PIK3CB: variants seen among roughly 807,000 people sequenced by gnomAD.
PIK3CB encodes the protein phosphatidylinositol 4,5-bisphosphate 3-kinase catalytic subunit beta isoform.
In PIK3CB, 39 loss-of-function variants were observed where a neutral mutation model predicts 136.8. The ratio of observed to expected loss-of-function variants is 0.29; its 90% confidence interval spans 0.22 to 0.37. The LOEUF (loss-of-function observed/expected upper bound fraction) is 0.37, where lower values mean the gene tolerates loss of function less well. Ranked by LOEUF, PIK3CB falls within the 10% of genes least tolerant of loss-of-function variation. The pLI, the probability that PIK3CB is intolerant of heterozygous loss-of-function variation, is 1.00. For missense variants in PIK3CB, 868 were observed against 1,275.4 expected (o/e 0.68, Z 4.87); for synonymous variants, 428 against 436.6 (o/e 0.98, Z 0.25).
chr3:138,707,090 A>C, intron 11 of PIK3CB, 69 bp downstream of exon 11: 1 of 976,900 alleles, frequency 1.0e-6, no homozygotes, highest in Non-Finnish European at 1.6e-6. Flanking sequence ...GATAGAGCTT[A>C]AACTATACAT....
chr3:138,691,923 T>C (rs1046032386), intron 14 of PIK3CB, among the ~76,000 whole-genome samples: 3 of 152,230 alleles, frequency 2.0e-5, no homozygotes, highest in Admixed American at 6.5e-5. Context: ...TTATTTTCCT[T>C]TGCTGTTATT....
In PIK3CB at chr3:138,707,300, C is replaced by G. The variant is rs375880090; in HGVS notation, c.1400-11G>C. On this transcript the variant is annotated splice_polypyrimidine_tract_variant and intron_variant, in intron 10 of 23. Coordinates refer to ENST00000674063, the MANE Select transcript of PIK3CB (RefSeq NM_006219.3). ...TTTCTTCGAGTTCATCTAAAACATGCAAATAATTTTGGTTCTTAAAAAATG... is the reference window on the plus strand; with the variant it reads ...TTTCTTCGAGTTCATCTAAAACATGGAAATAATTTTGGTTCTTAAAAAATG... 2.2e-5 allele frequency: 35 copies of G among 1,584,490 alleles called. No individual in the cohort carries two copies. The highest frequency in any genetic ancestry group is 3.0e-5 in the Non-Finnish European group (35 of 1,170,188).
chr3:138,815,089 G>A (rs1457345790), intron 1 of PIK3CB, among the ~76,000 whole-genome samples: 4 of 135,442 alleles, frequency 3.0e-5, no homozygotes, highest in African/African-American at 8.4e-5. Context: ...GCAGTGAGCC[G>A]TGATCGCGCC....
chr3:138,655,589 G>T, intron 23 of PIK3CB, 63 bp from the exon 24 acceptor site: 2 of 1,329,636 alleles, frequency 1.5e-6, no homozygotes, highest in Non-Finnish European at 2.2e-6. Context: ...AAATATCAAA[G>T]TCTGCAGGAG....
Position 138,694,943 on chromosome 3 carries a change from G to C in PIK3CB, c.1771-36C>G, listed in dbSNP as rs763971480. On this transcript the variant is annotated intron_variant, in intron 13 of 23. Transcript: ENST00000674063. ...AATGAAACTGGTTCAGAAATAATGG[G>C]GGACAAAAGTAATCTAATTTTCCTT... 18 of 1,572,346 alleles carry C rather than the reference G, an allele frequency of 1.1e-5. No individual in the cohort carries two copies. In the South Asian group the frequency reaches 1.8e-4, roughly 16 times the overall value.
At chr3:138,759,646 T>C (rs146205520) in intron 2 of PIK3CB, among the ~76,000 whole-genome samples, 2,593 of 152,050 alleles carry the variant, frequency 0.017, 44 homozygotes, top group Non-Finnish European at 0.018. Flanking sequence ...TAAATAAAAA[T>C]ATATACACAT....
intron 16 of PIK3CB, among the ~76,000 whole-genome samples, chr3:138,686,471 C>A (rs1411764459): frequency 6.6e-6 from 1 of 151,940 alleles, no homozygotes; most frequent in Admixed American, 6.6e-5. Context: ...ATAATAACAA[C>A]AAATAAAATT....
intron 8 of PIK3CB, among the ~76,000 whole-genome samples, chr3:138,723,245 T>C (rs1394824509): frequency 6.6e-6 from 1 of 152,194 alleles, no homozygotes; most frequent in Admixed American, 6.5e-5. Context: ...TTTTAAAGTA[T>C]AATTTATTTA....
In PIK3CB at chr3:138,810,735, C is replaced by G. The variant is rs1164132333; in HGVS notation, c.-121-14168G>C. On this transcript the variant is annotated intron_variant, in intron 1 of 23. Coordinates refer to ENST00000674063, the MANE Select transcript of PIK3CB (RefSeq NM_006219.3). ...AGATTGAGACCATCCTGGCTAACAC[C>G]GTGAAACCCCAGCTCTACTAAAAAC... Among the ~76,000 whole-genome samples the G allele has an allele frequency of 5.9e-5, 9 of 151,318 alleles. No individual in the cohort carries two copies. In the South Asian group the frequency reaches 1.9e-3, roughly 32 times the overall value.
rs181214757 is a variant in PIK3CB at position 138,656,117 on chromosome 3, G to A, written c.3075+25C>T. On this transcript the variant is annotated intron_variant, in intron 23 of 23. Coordinates refer to ENST00000674063, the MANE Select transcript of PIK3CB (RefSeq NM_006219.3). ...TGAGCTCAATGCCCACAAAGTCCAA[G>A]AGAGAAGGAAAAGTGGTTTTATACC... 74 of 1,612,932 alleles carry A rather than the reference G, an allele frequency of 4.6e-5. No individual in the cohort carries two copies. The African/African-American group carries it at 9.5e-4, about 21-fold the overall frequency.
intron 4 of PIK3CB, among the ~76,000 whole-genome samples, chr3:138,748,535 A>C (rs2045408350): frequency 6.6e-6 from 1 of 152,158 alleles, no homozygotes; most frequent in Non-Finnish European, 1.5e-5. Context: ...TCAATATATG[A>C]ATATTTGCTG....
chr3:138,657,498 C>T, intron 22 of PIK3CB, 192 bp downstream of exon 22: 1 of 538,442 alleles, frequency 1.9e-6, no homozygotes, highest in Admixed American at 3.8e-5. Context: ...AAATTTCTAG[C>T]ATTCTGTTTC....
chr3:138,741,263 C>T (rs896521328), intron 5 of PIK3CB, among the ~76,000 whole-genome samples: 10 of 152,180 alleles, frequency 6.6e-5, no homozygotes, highest in Non-Finnish European at 7.3e-5. Context: ...TGGATGAAAT[C>T]CTGGCTCTAC....
chr3:138,723,879 G>T (rs1449845282), intron 8 of PIK3CB, among the ~76,000 whole-genome samples: 1 of 152,044 alleles, frequency 6.6e-6, no homozygotes, highest in East Asian at 1.9e-4. Context: ...CACAAAAAAA[G>T]ATCAGTAGCA....
intron 19 of PIK3CB, among the ~76,000 whole-genome samples, chr3:138,677,318 C>CA (rs2043668161): frequency 6.6e-6 from 1 of 152,146 alleles, no homozygotes; most frequent in Admixed American, 6.5e-5. Flanking sequence ...CTTGGCCTCT[C>CA]AAAGTGCTGG....
At chr3:138,683,008 C>T (rs1321747442) in intron 18 of PIK3CB, among the ~76,000 whole-genome samples, 1 of 152,084 alleles carries the variant, frequency 6.6e-6, no homozygotes, top group Admixed American at 6.6e-5. Flanking sequence ...AAAACTATGG[C>T]AGCAAAATCA....
chr3:138,733,400 C>G lies in PIK3CB; in HGVS notation c.1011G>C (p.Leu337Phe), dbSNP rs1294314259. The change falls in exon 8 of 24, where the codon TTG (leucine) becomes TTC (phenylalanine). Residue 337 changes from leucine to phenylalanine, a missense_variant. By Grantham distance (22) the Leu-to-Phe change is conservative (BLOSUM62 0). Around this residue, in one of 4 missense-constraint regions of PIK3CB, gnomAD observed 612 missense variants for 801.1 expected, o/e 0.76. Coordinates refer to ENST00000674063, the MANE Select transcript of PIK3CB (RefSeq NM_006219.3). ...CTGTGTTAAGTTTATTTCCCTTAAC[C>G]AAGACAATTTGGAAAGGGTTGTTAT... ...WENNNPFQIV[L>F]VKGNKLNTEE... 1.9e-6 allele frequency: 3 copies of G among 1,568,674 alleles called. No individual in the cohort carries two copies. Among genetic ancestry groups the G allele is most frequent in the Admixed American group, 3.4e-5 (2 of 59,548 alleles).
intron 2 of PIK3CB, among the ~76,000 whole-genome samples, chr3:138,784,421 C>G (rs895968460): frequency 6.6e-6 from 1 of 151,994 alleles, no homozygotes; most frequent in East Asian, 1.9e-4. Flanking sequence ...TCCCCCTCCC[C>G]CTCTCCCTCT....
chr3:138,806,564 G>A (rs773866650), intron 1 of PIK3CB, among the ~76,000 whole-genome samples: 2 of 152,146 alleles, frequency 1.3e-5, no homozygotes, highest in East Asian at 1.9e-4. Context: ...TTCCAAGAGT[G>A]ACATAGTTGT....
Sources: allele counts gnomAD v4.1 joint callset (sites outside exome capture counted in the v4.1 genomes callset), GRCh38; gene constraint gnomAD v4.1.1; regional missense constraint gnomAD v4.1.1; transcripts MANE v1.5; gene names NCBI Gene and HGNC (gene_info 2026-07-23, HGNC 2026-07-21).